NEGR1: variants seen among roughly 807,000 people sequenced by gnomAD.
The protein encoded by NEGR1 is IgLON family member 4.
A neutral mutation model predicts 40.9 loss-of-function variants in NEGR1; 10 were observed. The observed-to-expected ratio is 0.24, with a 90% CI of 0.15 to 0.42. The LOEUF (loss-of-function observed/expected upper bound fraction) is 0.42, where lower values mean the gene tolerates loss of function less well. Among genes scored for constraint, NEGR1 ranks in the 10% least tolerant of loss-of-function variants. NEGR1 has a pLI of 1.00. For synonymous variants in NEGR1, 185 were observed against 166.8 expected (o/e 1.11, Z -0.84); for missense variants, 352 against 438.9 (o/e 0.80, Z 1.77).
intron 2 of NEGR1, among the ~76,000 whole-genome samples, chr1:71,875,911 C>G (rs2101837718): frequency 6.6e-6 from 1 of 152,246 alleles, no homozygotes; most frequent in South Asian, 2.1e-4. Flanking sequence ...CCATTATATA[C>G]AATCTTCATG....
chr1:71,582,445 A>G (rs1557575470), intron 6 of NEGR1, among the ~76,000 whole-genome samples: 1 of 152,178 alleles, frequency 6.6e-6, no homozygotes, highest in Non-Finnish European at 1.5e-5. Flanking sequence ...TTTTGCCTCT[A>G]GAACTATAAA....
At chr1:71,931,406 T>C (rs563582584) in intron 2 of NEGR1, among the ~76,000 whole-genome samples, 3 of 152,292 alleles carry the variant, frequency 2.0e-5, no homozygotes, top group South Asian at 4.1e-4. Flanking sequence ...TTTTATGTTG[T>C]TATAACAGAA....
At chr1:71,806,300 A>C (rs1450955014) in intron 2 of NEGR1, among the ~76,000 whole-genome samples, 2 of 152,082 alleles carry the variant, frequency 1.3e-5, no homozygotes, top group African/African-American at 2.4e-5. Flanking sequence ...GAATTTTTAC[A>C]ATCATCTTAA....
chr1:71,426,371 A>G (rs1485001980), intron 6 of NEGR1, among the ~76,000 whole-genome samples: 5 of 152,160 alleles, frequency 3.3e-5, no homozygotes, highest in Non-Finnish European at 2.9e-5. Flanking sequence ...TGTAGAAATA[A>G]CCTAAATCTT....
intron 4 of NEGR1, among the ~76,000 whole-genome samples, chr1:71,695,258 A>G (rs930538876): frequency 6.6e-6 from 1 of 151,816 alleles, no homozygotes; most frequent in African/African-American, 2.4e-5. Flanking sequence ...CAAAACCAGT[A>G]TTAAACAGTT....
At chr1:72,223,050 T>C (rs1654064049) in intron 1 of NEGR1, among the ~76,000 whole-genome samples, 1 of 152,200 alleles carries the variant, frequency 6.6e-6, no homozygotes, top group Non-Finnish European at 1.5e-5. Context: ...GATTCAATTA[T>C]TAATTGTATT....
At chr1:72,051,233 C>T (rs1309962712) in intron 1 of NEGR1, among the ~76,000 whole-genome samples, 1 of 151,338 alleles carries the variant, frequency 6.6e-6, no homozygotes, top group Non-Finnish European at 1.5e-5. Context: ...TGATAAGGTA[C>T]CTTACATTTG....
chr1:71,548,638 C>T (rs563646046), intron 6 of NEGR1, among the ~76,000 whole-genome samples: 1 of 151,810 alleles, frequency 6.6e-6, no homozygotes, highest in East Asian at 2.0e-4. Context: ...ATCTCATATG[C>T]ATAGCAGATT....
At chr1:72,010,649 G>A (rs1646648433) in intron 1 of NEGR1, among the ~76,000 whole-genome samples, 1 of 147,960 alleles carries the variant, frequency 6.8e-6, no homozygotes, top group Non-Finnish European at 1.5e-5. Flanking sequence ...CTCCAGGACT[G>A]TAGAAAGAAA....
rs543470402 is a variant in NEGR1 at position 71,541,574 on chromosome 1, G to A, written c.940+51243C>T. ...CAACGAAGGATGCTACGGGACATGCGTTATAGGCATTAAATGAAGTTTCAC... is the reference window on the plus strand; with the variant it reads ...CAACGAAGGATGCTACGGGACATGCATTATAGGCATTAAATGAAGTTTCAC... On this transcript the variant is annotated intron_variant, in intron 6 of 6. Coordinates refer to ENST00000357731, the MANE Select transcript of NEGR1 (RefSeq NM_173808.3). 4.6e-5 allele frequency among the ~76,000 whole-genome samples: 7 copies of A among 151,882 alleles called. No homozygotes were observed. In the East Asian group the frequency reaches 7.8e-4, roughly 17 times the overall value.
Position 71,705,052 on chromosome 1 carries a change from C to T in NEGR1, c.536-6913G>A, listed in dbSNP as rs995382625. 2.7e-5 allele frequency among the ~76,000 whole-genome samples: 4 copies of T among 146,510 alleles called. No homozygotes were observed. The Admixed American group carries it at 2.8e-4, about 10-fold the overall frequency. ...GCAGATAATTCATTGAAAAATTCAGCATTTATTCAATATTTTAATTTTTTT... is the reference window on the plus strand; with the variant it reads ...GCAGATAATTCATTGAAAAATTCAGTATTTATTCAATATTTTAATTTTTTT... On this transcript the variant is annotated intron_variant, in intron 3 of 6. Transcript: ENST00000357731.
intron 2 of NEGR1, among the ~76,000 whole-genome samples, chr1:71,854,417 C>T (rs1422594276): frequency 1.3e-5 from 2 of 151,960 alleles, no homozygotes; most frequent in African/African-American, 2.4e-5. Context: ...AATGAAAATA[C>T]ATTTTTGTAC....
At chr1:71,450,086 G>A (rs949711014) in intron 6 of NEGR1, among the ~76,000 whole-genome samples, 1 of 151,574 alleles carries the variant, frequency 6.6e-6, no homozygotes, top group Admixed American at 6.6e-5. Flanking sequence ...CACCTCCTGG[G>A]TTCAAGCGAT....
chr1:71,470,069 C>A (rs958108838), intron 6 of NEGR1, among the ~76,000 whole-genome samples: 6 of 152,010 alleles, frequency 3.9e-5, no homozygotes, highest in Non-Finnish European at 7.4e-5. Flanking sequence ...GGACTGTGGT[C>A]CTTATTGGTC....
At position 71,487,425 on chromosome 1, in the gene NEGR1, C is replaced by T. The variant is rs188069091; in HGVS notation, c.941-79855G>A. Among the ~76,000 whole-genome samples, 3 of 151,736 alleles carry T rather than the reference C, an allele frequency of 2.0e-5. No individual in the cohort carries two copies. In the East Asian group the frequency reaches 5.8e-4, roughly 29 times the overall value. ...TCTCTGAACCCTTTAAAGTTGTAGC[C>T]CCTCTGATTATTTTGGTCCCAGAGT... On this transcript the variant is annotated intron_variant, in intron 6 of 6. Coordinates refer to ENST00000357731, the MANE Select transcript of NEGR1 (RefSeq NM_173808.3).
In NEGR1 at chr1:72,282,453, G is replaced by A; in HGVS notation, c.42C>T (p.Asn14=). The part of the protein sequence containing the change: ...MLLVQGACCS[N]QWLAAVLLSL... ...TGAGGAGCACCGCCGCCAGCCACTG[G>A]TTCGAGCAACAAGCACCCTGCACCA... Residue 14 remains asparagine, a synonymous_variant, in exon 1 of 7, where the codon AAC becomes AAT. Coordinates refer to ENST00000357731, the MANE Select transcript of NEGR1 (RefSeq NM_173808.3). 1.2e-6 allele frequency: 2 copies of A among 1,613,752 alleles called. No individual in the cohort carries two copies. Among genetic ancestry groups the A allele is most frequent in the Non-Finnish European group, 1.7e-6 (2 of 1,179,988 alleles).
At chr1:71,675,589 T>C (rs1652601646) in intron 4 of NEGR1, among the ~76,000 whole-genome samples, 1 of 151,430 alleles carries the variant, frequency 6.6e-6, no homozygotes, top group South Asian at 2.1e-4. Flanking sequence ...AGAGCATGCA[T>C]GAGGAAAAAT....
intron 4 of NEGR1, among the ~76,000 whole-genome samples, chr1:71,654,806 T>C (rs1274803753): frequency 6.6e-6 from 1 of 152,170 alleles, no homozygotes; most frequent in African/African-American, 2.4e-5. Context: ...GGGTTGCTAG[T>C]TTTCAATGAA....
At chr1:71,476,458 G>A (rs1646821510) in intron 6 of NEGR1, among the ~76,000 whole-genome samples, 1 of 152,106 alleles carries the variant, frequency 6.6e-6, no homozygotes, top group Non-Finnish European at 1.5e-5. Context: ...GTCCTGGAGT[G>A]TGATGCTTAA....
Sources: allele counts gnomAD v4.1 joint callset (sites outside exome capture counted in the v4.1 genomes callset), GRCh38; gene constraint gnomAD v4.1.1; transcripts MANE v1.5; gene names NCBI Gene and HGNC (gene_info 2026-07-23, HGNC 2026-07-21).